The following IMPG2 variants were observed in gnomAD, a reference collection of about 807,000 sequenced individuals.
IMPG2 encodes the protein IPM 200.
A neutral mutation model predicts 129.2 loss-of-function variants in IMPG2; 91 were observed. The observed-to-expected ratio is 0.70, with a 90% confidence interval of 0.59 to 0.84. IMPG2 has a LOEUF of 0.84. Among genes scored for constraint, IMPG2 ranks in the 40% least tolerant of loss-of-function variants. The probability of loss-of-function intolerance (pLI) is 0.00; values close to 1 mark genes in which losing one functional copy is unlikely to be tolerated. For synonymous variants in IMPG2, 510 were observed against 517.7 expected, an observed-to-expected ratio of 0.99 and a Z score of 0.20; for missense variants, 1,430 against 1,461.7, an observed-to-expected ratio of 0.98 and a Z score of 0.35.
At chr3:101,232,639 T>G in intron 15 of IMPG2, 142 bp downstream of exon 15, 1 of 695,332 alleles carries the variant, frequency 1.4e-6, no homozygotes, top group Middle Eastern at 3.9e-4. Flanking sequence ...CACATGACAG[T>G]TAGATGGCTC....
chr3:101,309,775 T>C lies in IMPG2; in HGVS notation c.335-5463A>G, dbSNP rs557766620. On this transcript the variant is annotated intron_variant, in intron 2 of 18. Coordinates refer to ENST00000193391, the MANE Select transcript of IMPG2 (RefSeq NM_016247.4). ...TATGTTCAATGCCAGAGCAACTTTA[T>C]TCATAATAACTTAAAAATGAAAACA... Among the ~76,000 whole-genome samples, 4 of 152,252 alleles carry C rather than the reference T, an allele frequency of 2.6e-5. No homozygotes were observed. In the South Asian group the frequency reaches 6.2e-4, roughly 24 times the overall value.
chr3:101,287,899 A>G (rs1706965045), intron 4 of IMPG2, among the ~76,000 whole-genome samples: 1 of 152,212 alleles, frequency 6.6e-6, no homozygotes, highest in South Asian at 2.1e-4. Flanking sequence ...GTGGGACTTC[A>G]TTAAACTAAA....
rs2107149624 is a variant in IMPG2 at position 101,320,483 on chromosome 3, C to CT, written c.-112dup. On this transcript the variant is annotated 5_prime_UTR_variant, in exon 1 of 19. It introduces an in-frame stop codon into an upstream open reading frame of the 5' UTR. Coordinates refer to ENST00000193391, the MANE Select transcript of IMPG2 (RefSeq NM_016247.4). ...TAGGAAAGACCTAACATTTAAAAGT[C>CT]TATGTTTGAGAATGAACAACCACTT... 1 of 719,784 alleles carries CT rather than the reference C, an allele frequency of 1.4e-6. No homozygotes were observed. The highest frequency in any genetic ancestry group is 2.7e-5 in the East Asian group (1 of 37,126). 44.6% of individuals were successfully genotyped at this position (719,784 alleles called of 1,614,324 possible).
At chr3:101,263,862 A>G (rs904373225) in intron 9 of IMPG2, among the ~76,000 whole-genome samples, 5 of 151,448 alleles carry the variant, frequency 3.3e-5, no homozygotes, top group African/African-American at 1.2e-4. Flanking sequence ...AGATTCAAAA[A>G]AAAAAAAAAA....
At position 101,244,077 on chromosome 3, in the gene IMPG2, C is replaced by G. The variant is rs144965772; in HGVS notation, c.2254G>C (p.Glu752Gln). The G allele has an allele frequency of 1.1e-5, 18 of 1,613,816 alleles. No homozygotes were observed. The African/African-American group carries it at 1.9e-4, about 17-fold the overall frequency. Residue 752 changes from glutamate to glutamine, a missense_variant, in exon 13 of 19, where the codon GAG becomes CAG. Glu to Gln is a conservative substitution (Grantham distance 29, BLOSUM62 2). Coordinates refer to ENST00000193391, the MANE Select transcript of IMPG2 (RefSeq NM_016247.4). ...TCAAACCATTCATAGTTGGATGACTCAGTAATTTGTTCCATATCCTCCCTT... is the reference window on the plus strand; with the variant it reads ...TCAAACCATTCATAGTTGGATGACTGAGTAATTTGTTCCATATCCTCCCTT... ...ILREDMEQIT[E>Q]SSNYEWFDSE... is the part of the protein sequence containing the mutation.
At chr3:101,277,578 A>G (rs1368737444) in intron 4 of IMPG2, among the ~76,000 whole-genome samples, 1 of 152,208 alleles carries the variant, frequency 6.6e-6, no homozygotes, top group Non-Finnish European at 1.5e-5. Flanking sequence ...TGAAATCATA[A>G]AACCTATTTA....
chr3:101,235,520 GA>G (rs1706336403), intron 14 of IMPG2, among the ~76,000 whole-genome samples: 1 of 152,136 alleles, frequency 6.6e-6, no homozygotes. Context: ...TATACATTAG[GA>G]AAAAGATATA....
Position 101,303,732 on chromosome 3 carries a change from C to A in IMPG2, c.501+414G>T, listed in dbSNP as rs1707161517. 3.3e-5 allele frequency among the ~76,000 whole-genome samples: 5 copies of A among 152,174 alleles called. No individual in the cohort carries two copies. In the South Asian group the frequency reaches 8.3e-4, roughly 25 times the overall value. Reference sequence around the variant, plus strand: ...CTCACTAAACATTTATTCAAATGAACTATGTCCTCTATCTTAATTAGAGTT... The same window carrying A: ...CTCACTAAACATTTATTCAAATGAAATATGTCCTCTATCTTAATTAGAGTT... On this transcript the variant is annotated intron_variant, in intron 3 of 18. Coordinates refer to ENST00000193391, the MANE Select transcript of IMPG2 (RefSeq NM_016247.4).
chr3:101,236,293 G>A (rs1038627367), intron 14 of IMPG2, among the ~76,000 whole-genome samples: 10 of 152,176 alleles, frequency 6.6e-5, no homozygotes, highest in Non-Finnish European at 1.0e-4. Context: ...CACAGGGGTG[G>A]GGCTAATGCC....
intron 3 of IMPG2, among the ~76,000 whole-genome samples, chr3:101,301,003 C>T (rs144934992): frequency 5.8e-4 from 88 of 152,256 alleles, no homozygotes; most frequent in African/African-American, 1.9e-3. Context: ...AAGCCATTGT[C>T]GGGTTATTAA....
chr3:101,244,585 C>G lies in IMPG2; in HGVS notation c.1746G>C (p.Val582=), dbSNP rs150786431. The G allele has an allele frequency of 4.1e-5, 66 of 1,594,114 alleles. No homozygotes were observed. Among genetic ancestry groups the G allele is most frequent in the Non-Finnish European group, 5.3e-5 (62 of 1,171,034 alleles). ...TGGATGCATCTGGCAGGAAAGGGCT[C>G]ACTTTTAATTGGTCTTTGACTTTGG... The part of the protein sequence containing the change: ...LTSKVKDQLK[V]SPFLPDASME... Residue 582 remains valine (V), a synonymous_variant, in exon 13 of 19, where the codon GTG becomes GTC. Transcript: ENST00000193391.
At chr3:101,236,404 G>A (rs779608047) in intron 14 of IMPG2, among the ~76,000 whole-genome samples, 8 of 152,168 alleles carry the variant, frequency 5.3e-5, no homozygotes, top group Non-Finnish European at 1.2e-4. Context: ...TAAGGTGGTG[G>A]CTGCCAAGAT....
intron 12 of IMPG2, 42 bp from the exon 13 acceptor site, chr3:101,244,829 A>G: frequency 6.5e-7 from 1 of 1,537,572 alleles, no homozygotes; most frequent in Admixed American, 1.7e-5. Flanking sequence ...CAGAGTTGCC[A>G]AAATGTATTC....
At chr3:101,301,623 T>C (rs574036015) in intron 3 of IMPG2, among the ~76,000 whole-genome samples, 2 of 152,364 alleles carry the variant, frequency 1.3e-5, no homozygotes, top group Admixed American at 1.3e-4. Flanking sequence ...GCCCTCGTTA[T>C]TGGTCTTAGT....
intron 4 of IMPG2, among the ~76,000 whole-genome samples, chr3:101,282,713 A>G (rs1418503563): frequency 6.6e-6 from 1 of 152,312 alleles, no homozygotes; most frequent in South Asian, 2.1e-4. Flanking sequence ...ACCCAGATGA[A>G]TAGAGACCAT....
chr3:101,254,202 AAGTACCTTT>A (rs1706574949), intron 10 of IMPG2, among the ~76,000 whole-genome samples: 1 of 152,148 alleles, frequency 6.6e-6, no homozygotes, highest in Admixed American at 6.6e-5. Context: ...TTTGGGAAGA[AAGTACCTTT>A]GAAAACTGAG....
chr3:101,231,249 G>T, intron 15 of IMPG2, 104 bp from the exon 16 acceptor site: 1 of 1,062,646 alleles, frequency 9.4e-7, no homozygotes, highest in Non-Finnish European at 1.5e-6. Context: ...AGAAATAAAT[G>T]CTGACCACGT....
chr3:101,273,646 T>C lies in IMPG2; in HGVS notation c.763A>G (p.Arg255Gly), dbSNP rs770767737. Reference protein sequence around the residue: ...FSIHLLGKQYREELQDSSSFH... With the variant: ...FSIHLLGKQYGEELQDSSSFH... ...CTGGAGGAATCCTGTAGTTCTTCCCTGTACTGCTTCCCCAAAAGGTGGATA... is the reference window on the plus strand; with the variant it reads ...CTGGAGGAATCCTGTAGTTCTTCCCCGTACTGCTTCCCCAAAAGGTGGATA... Residue 255 changes from arginine to glycine, a missense_variant, in exon 7 of 19, where the codon AGG becomes GGG. By Grantham distance (125) the Arg-to-Gly change is moderately radical. Transcript: ENST00000193391. The C allele has an allele frequency of 6.2e-7, 1 of 1,614,170 alleles. No individual in the cohort carries two copies. Among genetic ancestry groups the C allele is most frequent in the East Asian group, 2.2e-5 (1 of 44,874 alleles).
chr3:101,225,115 A>G lies in IMPG2; in HGVS notation c.*1854T>C, dbSNP rs2107198704. The G allele has an allele frequency of 6.6e-6, 1 of 152,364 alleles. No individual in the cohort carries two copies. The highest frequency in any genetic ancestry group is 2.4e-5 in the African/African-American group (1 of 41,584). The allele number at this position is 152,364 out of a possible 1,614,324, so 9.4% of individuals were successfully genotyped here. On this transcript the variant is annotated 3_prime_UTR_variant, in exon 19 of 19. Coordinates refer to ENST00000193391, the MANE Select transcript of IMPG2 (RefSeq NM_016247.4). ...ATAGGAAAACAGTTTACAGTCTTAA[A>G]CAGAAAACTTTGAAAGTTTTATAAA...
Sources: gnomAD v4.1 joint callset for allele counts (sites outside exome capture counted in the v4.1 genomes callset) on GRCh38, gnomAD v4.1.1 for gene constraint, MANE v1.5 for transcripts, NCBI Gene and HGNC (gene_info 2026-07-23, HGNC 2026-07-21) for gene names.